PRKCE: variants seen among roughly 807,000 people sequenced by gnomAD.
PRKCE encodes protein kinase C epsilon type.
PRKCE carries 16 observed loss-of-function variants against 85.4 expected under a neutral mutation model. That is an observed-to-expected ratio of 0.19 (90% CI 0.13 to 0.28). The LOEUF (loss-of-function observed/expected upper bound fraction) is 0.28. Among genes scored for constraint, PRKCE ranks in the 10% least tolerant of loss-of-function variants. PRKCE has a pLI of 1.00. For synonymous variants in PRKCE, 388 were observed against 371.5 expected, an observed-to-expected ratio of 1.04 and a Z score of -0.51; for missense variants, 573 against 975.2, an observed-to-expected ratio of 0.59 and a Z score of 5.49.
chr2:46,053,893 G>A (rs1666305522), intron 10 of PRKCE, among the ~76,000 whole-genome samples: 1 of 152,174 alleles, frequency 6.6e-6, no homozygotes, highest in African/African-American at 2.4e-5. Context: ...AAGCAGAATT[G>A]CTGACTCATA....
At chr2:45,722,539 C>T (rs1240401247) in intron 1 of PRKCE, among the ~76,000 whole-genome samples, 1 of 152,214 alleles carries the variant, frequency 6.6e-6, no homozygotes, top group African/African-American at 2.4e-5. Flanking sequence ...GAAGAGGATG[C>T]TGAACTTGGG....
chr2:46,085,741 T>G lies in PRKCE; in HGVS notation c.1438-467T>G, dbSNP rs1414689399. 4.2e-4 allele frequency among the ~76,000 whole-genome samples: 12 copies of G among 28,882 alleles called. 2 individuals carry two copies. The highest frequency in any genetic ancestry group is 9.8e-4 in the African/African-American group (11 of 11,176). 18.9% of individuals were successfully genotyped at this position (28,882 alleles called of 152,430 possible). A position where few individuals can be genotyped will look rare whatever the true frequency, so the allele number is the denominator to read the frequency against. ...TAATTACATCTGCAAAATCCGTTTT[T>G]TTTTTTTGTTTTTGTTTTTTTTTTT... On this transcript the variant is annotated intron_variant, in intron 10 of 14. Coordinates refer to ENST00000306156, the MANE Select transcript of PRKCE (RefSeq NM_005400.3).
intron 1 of PRKCE, among the ~76,000 whole-genome samples, chr2:45,714,440 C>G (rs1679921941): frequency 1.3e-5 from 2 of 152,146 alleles, no homozygotes; most frequent in Admixed American, 6.5e-5. Context: ...CTTGCAGAGG[C>G]CATGAGGTGG....
intron 1 of PRKCE, among the ~76,000 whole-genome samples, chr2:45,715,820 A>G (rs1222632292): frequency 6.6e-6 from 1 of 152,174 alleles, no homozygotes; most frequent in Non-Finnish European, 1.5e-5. Flanking sequence ...GGTTTGGGAC[A>G]GGTTGAGCAG....
At chr2:45,836,682 G>C (rs1237678227) in intron 1 of PRKCE, among the ~76,000 whole-genome samples, 1 of 152,162 alleles carries the variant, frequency 6.6e-6, no homozygotes, top group Non-Finnish European at 1.5e-5. Context: ...TTGGGAACCA[G>C]TCCCCCAGTC....
chr2:46,079,454 C>G (rs539614899), intron 10 of PRKCE, among the ~76,000 whole-genome samples: 1 of 152,194 alleles, frequency 6.6e-6, no homozygotes, highest in East Asian at 1.9e-4. Flanking sequence ...CCCCAGCCAC[C>G]TACCCAAAAT....
intron 1 of PRKCE, among the ~76,000 whole-genome samples, chr2:45,682,432 A>T (rs992724491): frequency 8.0e-5 from 12 of 150,576 alleles, no homozygotes; most frequent in African/African-American, 2.7e-4. Flanking sequence ...TTTTTTATTT[A>T]TTTATTTTTT....
At chr2:45,808,333 A>G (rs978681267) in intron 1 of PRKCE, among the ~76,000 whole-genome samples, 1 of 152,222 alleles carries the variant, frequency 6.6e-6, no homozygotes, top group African/African-American at 2.4e-5. Flanking sequence ...AGGTTGGAGA[A>G]AAAGAACTGT....
intron 1 of PRKCE, among the ~76,000 whole-genome samples, chr2:45,830,004 C>T (rs985642646): frequency 5.0e-5 from 7 of 141,314 alleles, no homozygotes; most frequent in South Asian, 4.5e-4. Context: ...ACCTGGGAGG[C>T]GGAGCTTGCA....
intron 11 of PRKCE, among the ~76,000 whole-genome samples, chr2:46,089,509 T>G (rs1281193784): frequency 6.6e-6 from 1 of 152,202 alleles, no homozygotes; most frequent in Non-Finnish European, 1.5e-5. Flanking sequence ...AAACACAGAC[T>G]GGTTGTTGCA....
rs973678481 is a variant in PRKCE at position 45,881,085 on chromosome 2, G to A, written c.412+38022G>A. Among the ~76,000 whole-genome samples, 9 of 150,220 alleles carry A rather than the reference G, an allele frequency of 6.0e-5. No individual in the cohort carries two copies. The South Asian group carries it at 8.4e-4, about 14-fold the overall frequency. On this transcript the variant is annotated intron_variant, in intron 2 of 14. Coordinates refer to ENST00000306156, the MANE Select transcript of PRKCE (RefSeq NM_005400.3). ...GGAGAATGGCGTGAACCCGGGAGGC[G>A]GAGCTTGCAGTGAGCCGAGATCCCG...
At position 45,673,763 on chromosome 2, in the gene PRKCE, C is replaced by T. The variant is rs150150607; in HGVS notation, c.348+21315C>T. 2.2e-3 allele frequency among the ~76,000 whole-genome samples: 341 copies of T among 152,164 alleles called. 2 individuals are homozygous for T. Among genetic ancestry groups the T allele is most frequent in the African/African-American group, 7.8e-3 (323 of 41,484 alleles). Reference sequence around the variant, plus strand: ...ATGAAAATAGAAGTGCAAACAAGGCCCCTATTAGCCAGATTTTCTGAATAA... The same window carrying T: ...ATGAAAATAGAAGTGCAAACAAGGCTCCTATTAGCCAGATTTTCTGAATAA... On this transcript the variant is annotated intron_variant, in intron 1 of 14. Coordinates refer to ENST00000306156, the MANE Select transcript of PRKCE (RefSeq NM_005400.3).
rs1690982231 is a variant in PRKCE at position 45,837,546 on chromosome 2, C to T, written c.349-5454C>T. 2.0e-5 allele frequency among the ~76,000 whole-genome samples: 3 copies of T among 152,176 alleles called. No individual in the cohort carries two copies. In the South Asian group the frequency reaches 6.2e-4, roughly 32 times the overall value. The stretch of plus-strand genomic sequence containing the variant: ...TGCTGGGATTATAGGCATGAGCCAC[C>T]ACGCCCAGTCTAGGGAGCACGTTCT... On this transcript the variant is annotated intron_variant, in intron 1 of 14. Coordinates refer to ENST00000306156, the MANE Select transcript of PRKCE (RefSeq NM_005400.3).
intron 1 of PRKCE, among the ~76,000 whole-genome samples, chr2:45,718,491 C>T (rs1045919551): frequency 3.3e-5 from 5 of 151,716 alleles, no homozygotes; most frequent in South Asian, 2.1e-4. Flanking sequence ...ATGACAGGCA[C>T]GCACCACTAC....
intron 2 of PRKCE, among the ~76,000 whole-genome samples, chr2:45,973,031 G>T (rs968795947): frequency 3.3e-5 from 5 of 152,220 alleles, no homozygotes; most frequent in Non-Finnish European, 1.5e-5. Context: ...AATTAAAACA[G>T]TGTGGTACTG....
Position 46,184,709 on chromosome 2 carries a change from C to T in PRKCE, c.2068-26C>T, listed in dbSNP as rs367592767. On this transcript the variant is annotated intron_variant, in intron 14 of 14. Coordinates refer to ENST00000306156, the MANE Select transcript of PRKCE (RefSeq NM_005400.3). This position sits in a 1 kb window ranked among gnomAD's most constrained non-coding sequence, Gnocchi z 5.0. Reference sequence around the variant, plus strand: ...CTCAGGAGGGAGAGCAGCCTCAACTCACCACTTTCTCTTTTCTTCCCACAG... The same window carrying T: ...CTCAGGAGGGAGAGCAGCCTCAACTTACCACTTTCTCTTTTCTTCCCACAG... The T allele has an allele frequency of 1.8e-5, 29 of 1,597,750 alleles. No individual in the cohort carries two copies. In the African/African-American group the frequency reaches 2.4e-4, roughly 13 times the overall value.
At chr2:45,800,698 A>G (rs1434384598) in intron 1 of PRKCE, among the ~76,000 whole-genome samples, 1 of 152,246 alleles carries the variant, frequency 6.6e-6, no homozygotes, top group Non-Finnish European at 1.5e-5. Context: ...TATGGGGTTC[A>G]AGGCAGAAGA....
chr2:45,839,903 G>C (rs1394878074), intron 1 of PRKCE, among the ~76,000 whole-genome samples: 7 of 152,188 alleles, frequency 4.6e-5, no homozygotes. Flanking sequence ...CTATTTTTCT[G>C]TTTGGAAATG....
intron 10 of PRKCE, among the ~76,000 whole-genome samples, chr2:46,023,939 A>G (rs1365747918): frequency 2.0e-5 from 3 of 152,156 alleles, no homozygotes; most frequent in African/African-American, 4.8e-5. Context: ...AGCATTTTAC[A>G]CGTATTAATT....
Sources: gnomAD v4.1 joint callset for allele counts (sites outside exome capture counted in the v4.1 genomes callset) on GRCh38, gnomAD v4.1.1 for gene constraint, Gnocchi (gnomAD v3.1) non-coding constraint, MANE v1.5 for transcripts, NCBI Gene and HGNC (gene_info 2026-07-23, HGNC 2026-07-21) for gene names.